Variants in GRB10 observed in about 807,000 individuals in gnomAD.
GRB10 encodes the protein growth factor receptor-bound protein 10.
GRB10 carries 20 observed loss-of-function variants against 80.9 expected under a neutral mutation model. The ratio of observed to expected loss-of-function variants is 0.25; its 90% CI spans 0.17 to 0.36. GRB10 has a LOEUF of 0.36. GRB10 is among the 10% of genes least tolerant of loss of function. GRB10 has a pLI of 1.00. For synonymous variants in GRB10, 291 were observed against 291.5 expected, an observed-to-expected ratio of 1.00 and a Z score of 0.02; for missense variants, 548 against 747.7, an observed-to-expected ratio of 0.73 and a Z score of 3.12.
chr7:50,770,388 G>A (rs2076869836), intron 2 of GRB10, among the ~76,000 whole-genome samples: 1 of 152,210 alleles, frequency 6.6e-6, no homozygotes, highest in South Asian at 2.1e-4. Flanking sequence ...ACAAGCAGAG[G>A]AACTGGTGGT....
chr7:50,665,772 G>A (rs558234116), intron 7 of GRB10, among the ~76,000 whole-genome samples: 3 of 152,316 alleles, frequency 2.0e-5, no homozygotes, highest in African/African-American at 4.8e-5. Flanking sequence ...CAGGGCAGGT[G>A]AAGGACAGCC....
intron 5 of GRB10, among the ~76,000 whole-genome samples, chr7:50,686,424 C>G (rs965926084): frequency 6.6e-6 from 1 of 152,138 alleles, no homozygotes; most frequent in Non-Finnish European, 1.5e-5. Context: ...CTTACAGCAA[C>G]TCAAACAGAC....
At chr7:50,736,622 G>A (rs1332778110) in intron 3 of GRB10, among the ~76,000 whole-genome samples, 3 of 152,048 alleles carry the variant, frequency 2.0e-5, no homozygotes, top group Admixed American at 6.5e-5. Context: ...GTGAAACACC[G>A]CCTCTAAAAA....
intron 7 of GRB10, among the ~76,000 whole-genome samples, chr7:50,647,346 T>C (rs1563281073): frequency 6.6e-6 from 1 of 151,658 alleles, no homozygotes; most frequent in Non-Finnish European, 1.5e-5. Flanking sequence ...AAACCTAAAA[T>C]GTAACCTATA....
chr7:50,605,244 C>T, intron 15 of GRB10, 46 bp downstream of exon 15: 1 of 1,440,982 alleles, frequency 6.9e-7, no homozygotes, highest in Non-Finnish European at 9.7e-7. Flanking sequence ...GGTGGGGCTA[C>T]CACCTTGAGG....
At chr7:50,748,186 T>A (rs145669959) in intron 3 of GRB10, among the ~76,000 whole-genome samples, 1 of 152,072 alleles carries the variant, frequency 6.6e-6, no homozygotes, top group Non-Finnish European at 1.5e-5. Context: ...TTTAACGGGG[T>A]CCTGTGGTTT....
At chr7:50,722,596 G>A (rs1420113977) in intron 4 of GRB10, among the ~76,000 whole-genome samples, 1 of 152,190 alleles carries the variant, frequency 6.6e-6, no homozygotes, top group African/African-American at 2.4e-5. Flanking sequence ...CCAGGGTGAA[G>A]AGGTGACAGA....
intron 1 of GRB10, among the ~76,000 whole-genome samples, chr7:50,787,910 G>A (rs2078761254): frequency 1.3e-5 from 2 of 152,166 alleles, no homozygotes; most frequent in African/African-American, 4.8e-5. Context: ...GGCGGGGGAG[G>A]TGCCCTCTGG....
chr7:50,614,287 C>T (rs965920658), intron 12 of GRB10, among the ~76,000 whole-genome samples: 6 of 152,226 alleles, frequency 3.9e-5, no homozygotes, highest in East Asian at 1.9e-4. Context: ...TGTGTGTGCA[C>T]ACGTGTGTGT....
intron 7 of GRB10, among the ~76,000 whole-genome samples, chr7:50,646,511 C>T (rs1278399821): frequency 6.6e-6 from 1 of 152,186 alleles, no homozygotes; most frequent in Non-Finnish European, 1.5e-5. Context: ...TTGTTTTTTA[C>T]TATGAATGTT....
chr7:50,752,814 C>T (rs2074362390), intron 3 of GRB10, among the ~76,000 whole-genome samples: 2 of 152,082 alleles, frequency 1.3e-5, no homozygotes, highest in African/African-American at 4.8e-5. Context: ...ATGCTTTGAA[C>T]CCCAGGCAAC....
intron 7 of GRB10, among the ~76,000 whole-genome samples, chr7:50,659,862 A>C (rs1308999275): frequency 1.3e-5 from 2 of 152,242 alleles, no homozygotes; most frequent in South Asian, 2.1e-4. Flanking sequence ...TCCCCTCATA[A>C]GTAATTGAAT....
At chr7:50,650,576 G>C (rs1336479454) in intron 7 of GRB10, among the ~76,000 whole-genome samples, 1 of 152,226 alleles carries the variant, frequency 6.6e-6, no homozygotes, top group Admixed American at 6.5e-5. Context: ...TCCTAGAGAA[G>C]ATAAAGGGGG....
At chr7:50,657,465 C>T (rs547917365) in intron 7 of GRB10, among the ~76,000 whole-genome samples, 2 of 152,258 alleles carry the variant, frequency 1.3e-5, no homozygotes, top group East Asian at 3.9e-4. Flanking sequence ...AGCGGAAACA[C>T]TACCCGTGAA....
intron 7 of GRB10, among the ~76,000 whole-genome samples, chr7:50,634,437 G>A (rs2054567017): frequency 6.6e-6 from 1 of 152,140 alleles, no homozygotes; most frequent in African/African-American, 2.4e-5. Flanking sequence ...CATCATAACA[G>A]CATACATAAG....
intron 7 of GRB10, among the ~76,000 whole-genome samples, chr7:50,647,568 G>C (rs192184983): frequency 2.6e-4 from 40 of 152,342 alleles, no homozygotes; most frequent in Non-Finnish European, 4.6e-4. Flanking sequence ...TTCAAGTAGG[G>C]GAGATAGACA....
chr7:50,606,409 T>G lies in GRB10; in HGVS notation c.1200A>C (p.Gly400=). 1.2e-6 allele frequency: 2 copies of G among 1,613,668 alleles called. No homozygotes were observed. Among genetic ancestry groups the G allele is most frequent in the Non-Finnish European group, 1.7e-6 (2 of 1,179,632 alleles). Residue 400 remains glycine (G), a synonymous_variant, in exon 14 of 19, where the codon GGA becomes GGC. Transcript: ENST00000401949. The stretch of plus-strand genomic sequence containing the variant: ...TTCGGTAATTCTGGTAAAGGAGCAT[T>G]CCATACTGGAGAGGAGAAGCCACAG... The part of the protein sequence containing the change: ...WMTAFRLLKY[G]MLLYQNYRIP...
At chr7:50,693,484 A>G (rs1047016501) in intron 5 of GRB10, among the ~76,000 whole-genome samples, 3 of 152,232 alleles carry the variant, frequency 2.0e-5, no homozygotes, top group African/African-American at 7.2e-5. Flanking sequence ...TAAAGAAACT[A>G]AAGTCAGAAA....
At chr7:50,743,149 G>A (rs922354040) in intron 3 of GRB10, among the ~76,000 whole-genome samples, 1 of 152,226 alleles carries the variant, frequency 6.6e-6, no homozygotes, top group Non-Finnish European at 1.5e-5. Context: ...AGAAGGGACA[G>A]ATTCAAGAGC....
Sources: gnomAD v4.1 joint callset for allele counts (sites outside exome capture counted in the v4.1 genomes callset) on GRCh38, gnomAD v4.1.1 for gene constraint, MANE v1.5 for transcripts, NCBI Gene and HGNC (gene_info 2026-07-23, HGNC 2026-07-21) for gene names.